Variants in GCC2 observed in about 807,000 individuals in gnomAD.
The protein encoded by GCC2 is GRIP and coiled-coil domain-containing protein 2.
In GCC2, 120 loss-of-function variants were observed where a neutral mutation model predicts 210.6. That is an observed-to-expected ratio of 0.57 (90% confidence interval 0.49 to 0.66). The LOEUF is 0.66. GCC2 is among the 30% of genes least tolerant of loss of function. GCC2 has a pLI of 0.00. For missense variants in GCC2, 1,868 were observed against 1,871.9 expected, an observed-to-expected ratio of 1.00 and a Z score of 0.04; for synonymous variants, 703 against 652.7, an observed-to-expected ratio of 1.08 and a Z score of -1.17.
chr2:108,497,364 C>T (rs1558760180), intron 21 of GCC2, among the ~76,000 whole-genome samples: 1 of 152,204 alleles, frequency 6.6e-6, no homozygotes, highest in African/African-American at 2.4e-5. Context: ...GATCCGCCTG[C>T]CTTGGCCTCC....
intron 17 of GCC2, 80 bp downstream of exon 17, chr2:108,487,900 ATT>A (rs1008834430): frequency 0.083 from 52,440 of 629,168 alleles, 93 homozygotes; most frequent in African/African-American, 0.11. Flanking sequence ...TCCTATTATG[ATT>A]TTTTTTTTTT....
In GCC2 at chr2:108,470,954, G is replaced by A. The variant is rs1681178926; in HGVS notation, c.1625G>A (p.Gly542Glu). 1.2e-6 allele frequency: 2 copies of A among 1,613,096 alleles called. No individual in the cohort carries two copies. Among genetic ancestry groups the A allele is most frequent in the South Asian group, 2.2e-5 (2 of 91,056 alleles). ...ALLETVNRLQ[G>E]ENEKLLSQQE... The stretch of plus-strand genomic sequence containing the variant: ...CTCGAAACTGTGAATCGCCTCCAGG[G>A]AGAAAATGAAAAGTTACTATCTCAA... The change falls in exon 6 of 23, where the codon GGA becomes GAA. Residue 542 changes from glycine to glutamate, a missense_variant. Gly to Glu is a moderately conservative substitution (Grantham distance 98). Transcript: ENST00000309863.
chr2:108,485,169 G>A lies in GCC2; in HGVS notation c.3614-467G>A, dbSNP rs10192324. ...GGGAATATCACACTCTGGGGACTGT[G>A]GTGGGGTGGGGGGAGTGGGGAGGGA... On this transcript the variant is annotated intron_variant, in intron 13 of 22. Coordinates refer to ENST00000309863, the MANE Select transcript of GCC2 (RefSeq NM_181453.4). Among the ~76,000 whole-genome samples the A allele has an allele frequency of 8.9e-3, 1,338 of 151,076 alleles. 20 individuals are homozygous for A. The highest frequency in any genetic ancestry group is 0.031 in the Middle Eastern group (9 of 294).
rs1259173887 is a variant in GCC2 at position 108,507,626 on chromosome 2, G to C, written c.5051G>C (p.Arg1684Pro). 3 of 1,576,158 alleles carry C rather than the reference G, an allele frequency of 1.9e-6. No homozygotes were observed. The highest frequency in any genetic ancestry group is 2.2e-5 in the East Asian group (1 of 44,470). The change falls in exon 23 of 23, where the codon CGA (arginine) becomes CCA (proline). Residue 1684 changes from arginine to proline, a missense_variant. Physicochemically the swap from Arg to Pro is moderately radical, Grantham distance 103. Transcript: ENST00000309863. ...ASYLHSWSGL[R>P] ...TATCTTCATAGTTGGTCTGGACTTC[G>C]ATAGGTTGATGGAAGGAATATTTTT...
chr2:108,465,125 C>T (rs187326853), intron 4 of GCC2, among the ~76,000 whole-genome samples: 1 of 152,344 alleles, frequency 6.6e-6, no homozygotes, highest in African/African-American at 2.4e-5. Context: ...TTGGGGGTTA[C>T]ATTTCAACAT....
At chr2:108,456,325 C>T (rs938085238) in intron 4 of GCC2, among the ~76,000 whole-genome samples, 1 of 152,176 alleles carries the variant, frequency 6.6e-6, no homozygotes, top group African/African-American at 2.4e-5. Flanking sequence ...CTATGCTTAC[C>T]TACACTTCCA....
At chr2:108,478,303 G>T (rs3927013) in intron 9 of GCC2, among the ~76,000 whole-genome samples, 5,051 of 151,822 alleles carry the variant, frequency 0.033, 294 homozygotes, top group African/African-American at 0.12. Flanking sequence ...ATAAACTTAC[G>T]TATAAAAATG....
chr2:108,507,048 C>T (rs1381336729), intron 22 of GCC2, among the ~76,000 whole-genome samples: 3 of 152,142 alleles, frequency 2.0e-5, no homozygotes, highest in South Asian at 2.1e-4. Flanking sequence ...TTGGCTCAAC[C>T]GGAAATTCAG....
chr2:108,491,094 T>C (rs967940660), intron 18 of GCC2, among the ~76,000 whole-genome samples: 2 of 147,508 alleles, frequency 1.4e-5, no homozygotes, highest in African/African-American at 5.4e-5. Context: ...ATTCATACTT[T>C]ATCTATAGCA....
chr2:108,495,299 T>A lies in GCC2; in HGVS notation c.4456T>A (p.Ser1486Thr), dbSNP rs531054649. Residue 1486 changes from serine to threonine, a missense_variant, in exon 20 of 23, where the codon TCC becomes ACC. Ser to Thr is a moderately conservative substitution (Grantham distance 58). This residue lies in a region of GCC2 where 1,847 missense variants were observed against 1,765.2 expected (regional missense o/e 1.05). Transcript: ENST00000309863. ...TTAAAAAAATCTAATAGGCCCAGTT[T>A]CCTCTCAACAATCTTTGAAGAACCT... ...KNEPTTRSPV[S>T]SQQSLKNLRE... The A allele has an allele frequency of 3.2e-6, 5 of 1,575,546 alleles. No individual in the cohort carries two copies. Among genetic ancestry groups the A allele is most frequent in the Non-Finnish European group, 4.3e-6 (5 of 1,167,848 alleles).
intron 22 of GCC2, among the ~76,000 whole-genome samples, chr2:108,503,799 A>G (rs2917979): frequency 5.3e-5 from 8 of 152,358 alleles, no homozygotes; most frequent in African/African-American, 1.9e-4. Flanking sequence ...TCACATTCAG[A>G]ATATTTTTTT....
Position 108,492,646 on chromosome 2 carries a change from C to G in GCC2, c.4303C>G (p.Gln1435Glu). The G allele has an allele frequency of 6.2e-7, 1 of 1,613,752 alleles. No homozygotes were observed. ...ACAGACTGTGAGTCAGCTAACATCC[C>G]AGAACGAGGTCCTTCGAAATAGCTT... ...HTQTVSQLTS[Q>E]NEVLRNSFRD... Residue 1435 changes from glutamine (Q) to glutamate (E), a missense_variant, in exon 19 of 23, where the codon CAG (glutamine) becomes GAG (glutamate). Physicochemically the swap from Gln to Glu is conservative, Grantham distance 29. This residue lies in a region of GCC2 where 1,847 missense variants were observed against 1,765.2 expected (regional missense o/e 1.05). Transcript: ENST00000309863.
chr2:108,449,766 G>T (rs565658518), intron 2 of GCC2, 77 bp downstream of exon 2: 25 of 1,139,952 alleles, frequency 2.2e-5, no homozygotes, highest in South Asian at 1.4e-4. Flanking sequence ...CATGGGGAAG[G>T]GGGGGGCGCT....
intron 13 of GCC2, among the ~76,000 whole-genome samples, chr2:108,485,262 G>A (rs933763601): frequency 5.3e-5 from 8 of 149,534 alleles, no homozygotes; most frequent in Admixed American, 1.3e-4. Flanking sequence ...CATGGCACAT[G>A]TATACATATG....
chr2:108,450,953 C>T, intron 2 of GCC2, 75 bp from the exon 3 acceptor site: 1 of 889,794 alleles, frequency 1.1e-6, no homozygotes, highest in Non-Finnish European at 1.8e-6. Flanking sequence ...TGTTTTCTAG[C>T]AGACATTGTT....
At chr2:108,455,285 C>G (rs556965400) in intron 4 of GCC2, among the ~76,000 whole-genome samples, 3 of 152,160 alleles carry the variant, frequency 2.0e-5, no homozygotes, top group East Asian at 1.9e-4. Context: ...ACTCAAAATA[C>G]AAAAATTAAC....
At chr2:108,467,669 G>A (rs1301234248) in intron 4 of GCC2, among the ~76,000 whole-genome samples, 4 of 152,128 alleles carry the variant, frequency 2.6e-5, no homozygotes, top group Non-Finnish European at 5.9e-5. Flanking sequence ...AGTAGTGATA[G>A]TGTACTAATG....
At chr2:108,482,170 C>A in intron 10 of GCC2, 117 bp from the exon 11 acceptor site, 1 of 647,904 alleles carries the variant, frequency 1.5e-6, no homozygotes. Flanking sequence ...GTAGCATGGA[C>A]TTGGAAATCT....
intron 13 of GCC2, among the ~76,000 whole-genome samples, chr2:108,485,107 T>G (rs1405087773): frequency 6.8e-6 from 1 of 146,308 alleles, no homozygotes; most frequent in Non-Finnish European, 1.5e-5. Flanking sequence ...CACTCATAGG[T>G]GGGAACTGAA....
Sources: gnomAD v4.1 joint callset for allele counts (sites outside exome capture counted in the v4.1 genomes callset) on GRCh38, gnomAD v4.1.1 for gene constraint, gnomAD v4.1.1 regional missense constraint, MANE v1.5 for transcripts, NCBI Gene and HGNC (gene_info 2026-07-23, HGNC 2026-07-21) for gene names.